The following KLHL29 variants were observed in gnomAD, a reference collection of about 807,000 sequenced individuals.
The protein encoded by KLHL29 is kelch-like protein 29.
KLHL29 carries 21 observed loss-of-function variants against 80.4 expected under a neutral mutation model. The ratio of observed to expected loss-of-function variants is 0.26; its 90% confidence interval spans 0.19 to 0.38. KLHL29 has a LOEUF of 0.38. KLHL29 is among the 10% of genes least tolerant of loss of function. The pLI is 1.00. For synonymous variants in KLHL29, 511 were observed against 526.8 expected (o/e 0.97, Z 0.41); for missense variants, 867 against 1,223.9 (o/e 0.71, Z 4.35).
intron 1 of KLHL29, among the ~76,000 whole-genome samples, chr2:23,395,281 C>A (rs1368573586): frequency 6.6e-6 from 1 of 152,112 alleles, no homozygotes. Flanking sequence ...CCCATGGGTC[C>A]ACTGGGTTCT....
intron 2 of KLHL29, among the ~76,000 whole-genome samples, chr2:23,533,341 C>T (rs758405787): frequency 5.9e-5 from 9 of 152,146 alleles, no homozygotes; most frequent in Non-Finnish European, 1.3e-4. Flanking sequence ...GTTCCCCCAC[C>T]CTCTGGGGCT....
intron 2 of KLHL29, among the ~76,000 whole-genome samples, chr2:23,488,941 C>A (rs1297295549): frequency 6.6e-6 from 1 of 152,208 alleles, no homozygotes; most frequent in Non-Finnish European, 1.5e-5. Flanking sequence ...TCGGACTTGG[C>A]CGGTCCCAGG....
At chr2:23,563,910 G>C (rs1195689647) in intron 3 of KLHL29, among the ~76,000 whole-genome samples, 1 of 152,252 alleles carries the variant, frequency 6.6e-6, no homozygotes, top group Non-Finnish European at 1.5e-5. Context: ...GCTGCCCCCA[G>C]GCCAGCCAAA....
chr2:23,508,636 C>T (rs1174831435), intron 2 of KLHL29, among the ~76,000 whole-genome samples: 2 of 152,232 alleles, frequency 1.3e-5, no homozygotes, highest in Non-Finnish European at 2.9e-5. Flanking sequence ...CAGTTTGCCA[C>T]AATATCTCAG....
intron 11 of KLHL29, among the ~76,000 whole-genome samples, chr2:23,698,809 T>C (rs940905447): frequency 2.0e-5 from 3 of 152,154 alleles, no homozygotes; most frequent in East Asian, 1.9e-4. Context: ...CAGATTGAGC[T>C]GACGGGAGGG....
intron 5 of KLHL29, chr2:23,644,171 T>C (rs1380454720): frequency 6.6e-6 from 1 of 152,198 alleles, no homozygotes; most frequent in Non-Finnish European, 1.5e-5. Context: ...TGTAGAAAAT[T>C]ACATCTAAAT....
chr2:23,660,869 T>C (rs1320041104), intron 5 of KLHL29, among the ~76,000 whole-genome samples: 1 of 148,544 alleles, frequency 6.7e-6, no homozygotes, highest in Non-Finnish European at 1.5e-5. Context: ...CTACTAAAAA[T>C]ACAAAAAAAA....
chr2:23,489,571 G>A (rs72848058), intron 2 of KLHL29, among the ~76,000 whole-genome samples: 1 of 152,032 alleles, frequency 6.6e-6, no homozygotes, highest in Non-Finnish European at 1.5e-5. Flanking sequence ...AGAAACCTGC[G>A]CTATTGAATC....
chr2:23,443,695 T>C (rs1349278210), intron 1 of KLHL29, among the ~76,000 whole-genome samples: 1 of 152,238 alleles, frequency 6.6e-6, no homozygotes, highest in East Asian at 1.9e-4. Context: ...AATATTTTTA[T>C]AAATGATACC....
At chr2:23,400,799 G>GC (rs1458448734) in intron 1 of KLHL29, among the ~76,000 whole-genome samples, 2 of 152,162 alleles carry the variant, frequency 1.3e-5, no homozygotes, top group African/African-American at 2.4e-5. Flanking sequence ...GCACCACTGC[G>GC]CTCCAGCCTG....
At chr2:23,465,906 A>C (rs539433843) in intron 1 of KLHL29, among the ~76,000 whole-genome samples, 8 of 151,260 alleles carry the variant, frequency 5.3e-5, no homozygotes, top group Non-Finnish European at 1.2e-4. Flanking sequence ...TCTGTCCCCT[A>C]TTTCTGCTTG....
chr2:23,625,472 A>T (rs1462275466), intron 3 of KLHL29, among the ~76,000 whole-genome samples: 2 of 152,244 alleles, frequency 1.3e-5, no homozygotes, highest in Non-Finnish European at 2.9e-5. Context: ...GGGAAAGACT[A>T]GCGATCATGG....
At chr2:23,495,044 TGTGA>T (rs1401154791) in intron 2 of KLHL29, among the ~76,000 whole-genome samples, 9 of 152,234 alleles carry the variant, frequency 5.9e-5, no homozygotes. Context: ...TATTTATTTC[TGTGA>T]GTATTTTATT....
intron 2 of KLHL29, among the ~76,000 whole-genome samples, chr2:23,479,928 C>T (rs1664741205): frequency 6.6e-6 from 1 of 152,218 alleles, no homozygotes; most frequent in Admixed American, 6.5e-5. Flanking sequence ...TCAGAGATTA[C>T]AGAACCACCG....
Position 23,461,975 on chromosome 2 carries a change from C to CTTT in KLHL29, c.-153-13585_-153-13584insTTT, listed in dbSNP as rs1164075132. On this transcript the variant is annotated intron_variant, in intron 1 of 13. Coordinates refer to ENST00000486442, the MANE Select transcript of KLHL29 (RefSeq NM_052920.2). Reference sequence around the variant, plus strand: ...GTGCAAAAGTAATTGCGGTTTTTGCCATTTTTTTTTTTTTAATGACAAAAA... The same window carrying CTTT: ...GTGCAAAAGTAATTGCGGTTTTTGCCTTTATTTTTTTTTTTTTAATGACAAAAA... Among the ~76,000 whole-genome samples, 27 of 79,504 alleles carry CTTT rather than the reference C, an allele frequency of 3.4e-4. 1 individual carries two copies. The highest frequency in any genetic ancestry group is 3.0e-3 in the South Asian group (6 of 1,996). 52.2% of individuals were successfully genotyped at this position (79,504 alleles called of 152,430 possible). A position where few individuals can be genotyped will look rare whatever the true frequency, so the allele number is the denominator to read the frequency against.
chr2:23,434,968 G>GT (rs1401561393), intron 1 of KLHL29, among the ~76,000 whole-genome samples: 2 of 152,344 alleles, frequency 1.3e-5, no homozygotes, highest in Non-Finnish European at 2.9e-5. Flanking sequence ...GCTGAGGCTG[G>GT]CTGAGGAAAC....
intron 3 of KLHL29, among the ~76,000 whole-genome samples, chr2:23,605,011 G>C (rs1668668962): frequency 6.6e-6 from 1 of 151,990 alleles, no homozygotes. Context: ...GGCCCTGCCT[G>C]CTAGATCAGG....
intron 3 of KLHL29, among the ~76,000 whole-genome samples, chr2:23,570,626 A>T (rs1195490581): frequency 6.6e-6 from 1 of 152,082 alleles, no homozygotes; most frequent in South Asian, 2.1e-4. Context: ...GGAGCTGTGG[A>T]TGGATAAAGG....
chr2:23,640,124 C>T (rs942415112), intron 4 of KLHL29, among the ~76,000 whole-genome samples: 4 of 152,164 alleles, frequency 2.6e-5, no homozygotes, highest in Admixed American at 2.0e-4. Flanking sequence ...CATGTCCTCA[C>T]AGTTGGGCTT....
Sources: allele counts gnomAD v4.1 joint callset (sites outside exome capture counted in the v4.1 genomes callset), GRCh38; gene constraint gnomAD v4.1.1; transcripts MANE v1.5; gene names NCBI Gene and HGNC (gene_info 2026-07-23, HGNC 2026-07-21).